The following MTHFD1L variants were observed in gnomAD, a reference collection of about 807,000 sequenced individuals.
The protein encoded by MTHFD1L is monofunctional C1-tetrahydrofolate synthase, mitochondrial.
Under a neutral mutation model 119.5 loss-of-function variants are expected in MTHFD1L, and 81 were observed. That is an observed-to-expected ratio of 0.68 (90% CI 0.57 to 0.82). The LOEUF (loss-of-function observed/expected upper bound fraction) is 0.82, where lower values mean the gene tolerates loss of function less well. MTHFD1L is among the 40% of genes least tolerant of loss of function. The probability of loss-of-function intolerance (pLI) is 0.00; values close to 1 mark genes in which losing one functional copy is unlikely to be tolerated. For synonymous variants in MTHFD1L, 430 were observed against 475.2 expected (o/e 0.90, Z 1.24); for missense variants, 1,125 against 1,253.4 (o/e 0.90, Z 1.55).
intron 18 of MTHFD1L, among the ~76,000 whole-genome samples, chr6:150,963,654 T>G (rs1284888295): frequency 1.3e-5 from 2 of 152,190 alleles, no homozygotes; most frequent in Admixed American, 6.5e-5. Flanking sequence ...GTGAGGAAGA[T>G]TCTCTGGATT....
chr6:150,882,782 G>T lies in MTHFD1L; in HGVS notation c.438G>T (p.Lys146Asn), dbSNP rs1336713094. The stretch of plus-strand genomic sequence containing the variant: ...TTTAGATTATAGATGAAATCTTAAA[G>T]ATCAATGAAGATACCAGAGTACATG... ...SEAEIIDEIL[K>N]INEDTRVHGL... Residue 146 changes from lysine to asparagine, a missense_variant, in exon 5 of 28, where the codon AAG (lysine) becomes AAT (asparagine). Lys to Asn is a moderately conservative substitution (Grantham distance 94). Transcript: ENST00000367321. The T allele has an allele frequency of 6.5e-7, 1 of 1,529,026 alleles. No homozygotes were observed. The highest frequency in any genetic ancestry group is 8.7e-7 in the Non-Finnish European group (1 of 1,146,816). 94.7% of individuals were successfully genotyped at this position (1,529,026 alleles called of 1,614,324 possible). A position where few individuals can be genotyped will look rare whatever the true frequency, so the allele number is the denominator to read the frequency against.
chr6:150,880,351 TATG>T (rs1168778090), intron 4 of MTHFD1L, among the ~76,000 whole-genome samples: 1 of 152,224 alleles, frequency 6.6e-6, no homozygotes, highest in Non-Finnish European at 1.5e-5. Context: ...AGTGACATCC[TATG>T]ATATTTGCCT....
At chr6:150,975,445 C>T (rs1324834158) in intron 20 of MTHFD1L, among the ~76,000 whole-genome samples, 1 of 152,172 alleles carries the variant, frequency 6.6e-6, no homozygotes, top group African/African-American at 2.4e-5. Context: ...TCATTCCTTG[C>T]CCTTGGATGA....
At chr6:150,946,354 T>C (rs1231237592) in intron 15 of MTHFD1L, among the ~76,000 whole-genome samples, 1 of 152,256 alleles carries the variant, frequency 6.6e-6, no homozygotes, top group African/African-American at 2.4e-5. Flanking sequence ...TTCACCATGT[T>C]GGCCAGGCTG....
chr6:150,880,524 C>G (rs1232556144), intron 4 of MTHFD1L, among the ~76,000 whole-genome samples: 1 of 152,062 alleles, frequency 6.6e-6, no homozygotes, highest in East Asian at 1.9e-4. Context: ...TGGATTGGTT[C>G]CATCTCTTGG....
At chr6:151,046,584 A>G (rs1788125574) in intron 26 of MTHFD1L, among the ~76,000 whole-genome samples, 1 of 149,868 alleles carries the variant, frequency 6.7e-6, no homozygotes, top group African/African-American at 2.5e-5. Context: ...GTATGGATTC[A>G]TAGCATAAAT....
At chr6:151,099,607 T>C (rs1323459844) in intron 27 of MTHFD1L, 2 of 1,610,006 alleles carry the variant, frequency 1.2e-6, no homozygotes, top group African/African-American at 2.7e-5. Flanking sequence ...GTCAGACCAT[T>C]ATGTCAAAAT....
chr6:151,039,691 C>T lies in MTHFD1L; in HGVS notation c.2847+2574C>T, dbSNP rs1228129254. On this transcript the variant is annotated intron_variant, in intron 26 of 27. Transcript: ENST00000367321. This position sits in a 1 kb window ranked among gnomAD's most constrained non-coding sequence, Gnocchi z 4.4. Reference sequence around the variant, plus strand: ...CAGCACTTTGGGAGGCCGAGGCGGGCGGATCACAAGGTCAGGAGTTCGAGA... The same window carrying T: ...CAGCACTTTGGGAGGCCGAGGCGGGTGGATCACAAGGTCAGGAGTTCGAGA... Among the ~76,000 whole-genome samples, 9 of 152,062 alleles carry T rather than the reference C, an allele frequency of 5.9e-5. No homozygotes were observed. Among genetic ancestry groups the T allele is most frequent in the East Asian group, 1.9e-4 (1 of 5,178 alleles).
intron 1 of MTHFD1L, chr6:150,866,630 G>C: frequency 8.3e-7 from 1 of 1,209,586 alleles, no homozygotes; most frequent in African/African-American, 1.6e-5. Flanking sequence ...TCCCGGAACG[G>C]CAAAGGTGGA....
At position 151,039,917 on chromosome 6, in the gene MTHFD1L, AATACATAC is replaced by A. The variant is rs112663874; in HGVS notation, c.2847+2823_2847+2830del. ...GTGACAGAGCAAGACTTCATCTCTA[AATACATAC>A]ATACATACATACATACATACATGCA... On this transcript the variant is annotated intron_variant, in intron 26 of 27. Coordinates refer to ENST00000367321, the MANE Select transcript of MTHFD1L (RefSeq NM_015440.5). This position sits in a 1 kb window ranked among gnomAD's most constrained non-coding sequence, Gnocchi z 4.4. Among the ~76,000 whole-genome samples the A allele has an allele frequency of 1.1e-4, 17 of 148,632 alleles. No homozygotes were observed. The highest frequency in any genetic ancestry group is 2.3e-4 in the African/African-American group (9 of 39,938).
intron 4 of MTHFD1L, among the ~76,000 whole-genome samples, chr6:150,880,601 C>A (rs2128752310): frequency 6.6e-6 from 1 of 152,292 alleles, no homozygotes; most frequent in East Asian, 1.9e-4. Flanking sequence ...GGTTTCAGTT[C>A]CCATGCGTAT....
chr6:151,099,887 C>G (rs11759882), intron 27 of MTHFD1L: 546,221 of 1,485,824 alleles, frequency 0.37, 102,180 homozygotes, highest in Middle Eastern at 0.45. Context: ...CTGGCCATCA[C>G]AGTCACCAAC....
intron 27 of MTHFD1L, among the ~76,000 whole-genome samples, chr6:151,097,940 C>T (rs1017697831): frequency 2.0e-5 from 3 of 152,112 alleles, no homozygotes; most frequent in African/African-American, 7.2e-5. Context: ...TTTGGGAGTC[C>T]GAGTGGGTGG....
At chr6:150,986,940 G>C (rs1010131948) in intron 20 of MTHFD1L, among the ~76,000 whole-genome samples, 1 of 152,128 alleles carries the variant, frequency 6.6e-6, no homozygotes, top group African/African-American at 2.4e-5. Flanking sequence ...GACCTCAAGT[G>C]ATCTGCCCCC....
chr6:150,867,964 AT>A (rs1402592254), intron 1 of MTHFD1L, among the ~76,000 whole-genome samples: 1 of 151,562 alleles, frequency 6.6e-6, no homozygotes, highest in East Asian at 2.0e-4. Flanking sequence ...CGCCCGGCTA[AT>A]TTTTGTATTT....
At chr6:150,939,737 T>C (rs953958951) in intron 13 of MTHFD1L, among the ~76,000 whole-genome samples, 4 of 141,118 alleles carry the variant, frequency 2.8e-5, no homozygotes, top group Non-Finnish European at 6.0e-5. Context: ...CAGGCTGGAG[T>C]GCAGTGGCAC....
intron 26 of MTHFD1L, chr6:151,057,381 CT>C (rs1790098904): frequency 2.0e-6 from 2 of 982,514 alleles, no homozygotes; most frequent in South Asian, 9.4e-5. Context: ...TGGCTCACGT[CT>C]GTAATCCCAA....
chr6:151,044,901 C>T (rs531687081), intron 26 of MTHFD1L, among the ~76,000 whole-genome samples: 13 of 152,280 alleles, frequency 8.5e-5, no homozygotes, highest in Middle Eastern at 3.4e-3. Context: ...AAGAAAGCTG[C>T]GGCCCCGGCC....
At chr6:151,050,555 G>A (rs1788857350) in intron 26 of MTHFD1L, among the ~76,000 whole-genome samples, 1 of 152,150 alleles carries the variant, frequency 6.6e-6, no homozygotes, top group South Asian at 2.1e-4. Flanking sequence ...CCAAAGAGGG[G>A]AGTCCTAGGA....
Sources: gnomAD v4.1 joint callset for allele counts (sites outside exome capture counted in the v4.1 genomes callset) on GRCh38, gnomAD v4.1.1 for gene constraint, Gnocchi (gnomAD v3.1) non-coding constraint, MANE v1.5 for transcripts, NCBI Gene and HGNC (gene_info 2026-07-23, HGNC 2026-07-21) for gene names.